The following SORBS2 variants were observed in gnomAD, a reference collection of about 807,000 sequenced individuals.
SORBS2 encodes sorbin and SH3 domain containing 2.
In SORBS2, 46 loss-of-function variants were observed where a neutral mutation model predicts 97.7. The ratio of observed to expected loss-of-function variants is 0.47; its 90% confidence interval spans 0.37 to 0.60. The LOEUF (loss-of-function observed/expected upper bound fraction) is 0.60, where lower values mean the gene tolerates loss of function less well. SORBS2 is among the 20% of genes least tolerant of loss of function. The pLI is 0.00. For synonymous variants in SORBS2, 476 were observed against 473.4 expected, an observed-to-expected ratio of 1.01 and a Z score of -0.07; for missense variants, 1,316 against 1,282.3, an observed-to-expected ratio of 1.03 and a Z score of -0.40.
At chr4:185,698,267 G>A (rs1330725003) in intron 2 of SORBS2, among the ~76,000 whole-genome samples, 1 of 152,140 alleles carries the variant, frequency 6.6e-6, no homozygotes, top group Admixed American at 6.5e-5. Context: ...CTTGAGGTCA[G>A]GAGTTCGAGA....
At chr4:185,594,080 T>C in intron 12 of SORBS2, 145 bp from the exon 25 acceptor site, 1 of 612,940 alleles carries the variant, frequency 1.6e-6, no homozygotes. Flanking sequence ...AAATAAAAGC[T>C]TTCTGCAGGA....
chr4:185,746,557 G>T (rs2098762123), intron 2 of SORBS2, among the ~76,000 whole-genome samples: 2 of 152,078 alleles, frequency 1.3e-5, no homozygotes, highest in African/African-American at 4.8e-5. Flanking sequence ...ACCTCAAGTG[G>T]TCCTCCTGCC....
At chr4:185,626,432 T>C (rs1319600584) in intron 6 of SORBS2, among the ~76,000 whole-genome samples, 1 of 152,250 alleles carries the variant, frequency 6.6e-6, no homozygotes, top group Non-Finnish European at 1.5e-5. Flanking sequence ...TAGCCAACAA[T>C]TTGCTCTGTT....
chr4:185,641,299 A>C (rs2097122954), intron 4 of SORBS2, among the ~76,000 whole-genome samples: 1 of 152,192 alleles, frequency 6.6e-6, no homozygotes, highest in African/African-American at 2.4e-5. Flanking sequence ...GAAAACACCC[A>C]AAACAATGAT....
At chr4:185,610,735 T>A (rs1457634257) in intron 12 of SORBS2, among the ~76,000 whole-genome samples, 1 of 152,156 alleles carries the variant, frequency 6.6e-6, no homozygotes, top group Non-Finnish European at 1.5e-5. Context: ...TAGTAACATC[T>A]GATATGTTGA....
chr4:185,708,487 A>G (rs980600543), intron 2 of SORBS2, among the ~76,000 whole-genome samples: 2 of 152,234 alleles, frequency 1.3e-5, no homozygotes, highest in African/African-American at 4.8e-5. Context: ...ATGAGCCATC[A>G]GATTGGATGA....
At chr4:185,877,883 A>AAAAAAAGAAAG (rs1344109012) in intron 1 of SORBS2, among the ~76,000 whole-genome samples, 5 of 145,180 alleles carry the variant, frequency 3.4e-5, no homozygotes, top group African/African-American at 1.3e-4. Flanking sequence ...ACAAAAAAAA[A>AAAAAAAGAAAG]AAAGAAAGAA....
chr4:185,831,425 G>T (rs1458595108), intron 1 of SORBS2, among the ~76,000 whole-genome samples: 1 of 152,170 alleles, frequency 6.6e-6, no homozygotes, highest in Non-Finnish European at 1.5e-5. Flanking sequence ...CATCACTCTT[G>T]ACCTTTTATC....
intron 1 of SORBS2, among the ~76,000 whole-genome samples, chr4:185,889,292 T>TA (rs113843237): frequency 7.9e-4 from 121 of 152,274 alleles, no homozygotes; most frequent in African/African-American, 2.9e-3. Context: ...GCAACAATGT[T>TA]AAAATAGAGA....
chr4:185,678,821 C>G (rs1290995605), exon 3 of SORBS2: 1 of 1,450,956 alleles, frequency 6.9e-7, no homozygotes, highest in Admixed American at 2.8e-5. Context: ...GAGAATCACG[C>G]CCTGAAAGAA....
intron 2 of SORBS2, among the ~76,000 whole-genome samples, chr4:185,763,790 G>A (rs187621438): frequency 7.4e-4 from 113 of 152,196 alleles, no homozygotes; most frequent in Middle Eastern, 3.4e-3. Flanking sequence ...GAAATTACTT[G>A]TAAAGAAAAA....
chr4:185,724,397 T>G (rs893881221), intron 2 of SORBS2, among the ~76,000 whole-genome samples: 2 of 151,990 alleles, frequency 1.3e-5, no homozygotes, highest in African/African-American at 4.8e-5. Context: ...AGTTATCCTT[T>G]AATCTAGTAT....
intron 1 of SORBS2, among the ~76,000 whole-genome samples, chr4:185,806,485 TCTCG>T (rs2099155519): frequency 9.3e-6 from 1 of 107,890 alleles, no homozygotes; most frequent in African/African-American, 3.6e-5. Flanking sequence ...TGAGACGGAG[TCTCG>T]CTCTGTCGCC....
At chr4:185,711,160 G>T (rs1421236150) in intron 2 of SORBS2, among the ~76,000 whole-genome samples, 1 of 150,772 alleles carries the variant, frequency 6.6e-6, no homozygotes, top group Non-Finnish European at 1.5e-5. Context: ...TTTTTGTAGA[G>T]CTGGGGTCTT....
chr4:185,705,167 C>A (rs945898902), intron 2 of SORBS2, among the ~76,000 whole-genome samples: 1 of 152,212 alleles, frequency 6.6e-6, no homozygotes, highest in Non-Finnish European at 1.5e-5. Flanking sequence ...TAGTTCAGTA[C>A]AGGACTACCC....
intron 4 of SORBS2, among the ~76,000 whole-genome samples, chr4:185,643,806 A>G (rs1180987822): frequency 1.3e-5 from 2 of 152,204 alleles, no homozygotes; most frequent in Non-Finnish European, 2.9e-5. Context: ...GAATGCTTCC[A>G]AGGCATCTTG....
At chr4:185,939,462 C>T (rs2099270748) in intron 1 of SORBS2, among the ~76,000 whole-genome samples, 1 of 152,192 alleles carries the variant, frequency 6.6e-6, no homozygotes, top group Admixed American at 6.5e-5. Context: ...TTTCTCCCTT[C>T]TCCTTCCCAG....
intron 1 of SORBS2, among the ~76,000 whole-genome samples, chr4:185,929,766 C>A (rs1205064130): frequency 6.6e-6 from 1 of 152,136 alleles, no homozygotes; most frequent in Non-Finnish European, 1.5e-5. Context: ...GATCTCTTGA[C>A]CTCGTGATCC....
exon 12 of SORBS2, chr4:185,611,902 T>A: frequency 6.2e-7 from 1 of 1,613,856 alleles, no homozygotes; most frequent in Non-Finnish European, 8.5e-7. Context: ...ACAGGGAAGA[T>A]GCCTTGTCTG....
Sources: gnomAD v4.1 joint callset for allele counts (sites outside exome capture counted in the v4.1 genomes callset) on GRCh38, gnomAD v4.1.1 for gene constraint, MANE v1.5 for transcripts, NCBI Gene and HGNC (gene_info 2026-07-23, HGNC 2026-07-21) for gene names.